Variants in NEDD4L observed in about 807,000 individuals in gnomAD.
NEDD4L encodes the protein NEDD4 like E3 ubiquitin protein ligase.
In NEDD4L, 54 loss-of-function variants were observed where a neutral mutation model predicts 148.9. The ratio of observed to expected loss-of-function variants is 0.36; its 90% CI spans 0.29 to 0.45. The LOEUF (loss-of-function observed/expected upper bound fraction) is 0.45. Ranked by LOEUF, NEDD4L falls within the 20% of genes least tolerant of loss-of-function variation. The pLI is 1.00. For missense variants in NEDD4L, 856 were observed against 1,233.8 expected (o/e 0.69, Z 4.59); for synonymous variants, 433 against 440.7 (o/e 0.98, Z 0.22).
At position 58,061,179 on chromosome 18, in the gene NEDD4L, C is replaced by T. The variant is rs372027578; in HGVS notation, c.48+16471C>T. 1.2e-4 allele frequency among the ~76,000 whole-genome samples: 19 copies of T among 152,166 alleles called. 2 individuals are homozygous for T. Among genetic ancestry groups the T allele is most frequent in the East Asian group, 3.9e-4 (2 of 5,192 alleles). On this transcript the variant is annotated intron_variant, in intron 1 of 30. Coordinates refer to ENST00000400345, the MANE Select transcript of NEDD4L (RefSeq NM_001144967.3). ...AGTACAGCTCCCACAACGATCATCTCGCCCCAAATGCTGCCGAGGTTGAGA... is the reference window on the plus strand; with the variant it reads ...AGTACAGCTCCCACAACGATCATCTTGCCCCAAATGCTGCCGAGGTTGAGA...
chr18:58,146,305 T>C (rs2034091872), intron 1 of NEDD4L, among the ~76,000 whole-genome samples: 1 of 152,142 alleles, frequency 6.6e-6, no homozygotes, highest in Non-Finnish European at 1.5e-5. Context: ...CCAGCATGGC[T>C]CTGGGTGTGA....
chr18:58,189,267 G>A (rs2039823532), intron 2 of NEDD4L, among the ~76,000 whole-genome samples: 1 of 152,130 alleles, frequency 6.6e-6, no homozygotes, highest in African/African-American at 2.4e-5. Context: ...AGCCCCAGCT[G>A]GTGCATTCCC....
chr18:58,384,927 GT>G (rs948155374), intron 25 of NEDD4L, among the ~76,000 whole-genome samples: 3 of 152,206 alleles, frequency 2.0e-5, no homozygotes, highest in African/African-American at 7.2e-5. Flanking sequence ...AGGGAACTTG[GT>G]TTTGGTGAAC....
intron 1 of NEDD4L, among the ~76,000 whole-genome samples, chr18:58,151,632 T>G (rs975442600): frequency 6.6e-6 from 1 of 151,212 alleles, no homozygotes; most frequent in Non-Finnish European, 1.5e-5. Context: ...GATATGTGTG[T>G]GTGTGTGTGT....
intron 2 of NEDD4L, among the ~76,000 whole-genome samples, chr18:58,172,410 G>A (rs946063248): frequency 2.0e-5 from 3 of 152,178 alleles, no homozygotes; most frequent in Admixed American, 6.5e-5. Context: ...TTCTTAACAC[G>A]GGGGTAAGGA....
At chr18:58,372,334 T>C (rs1363486728) in intron 23 of NEDD4L, 1 of 151,784 alleles carries the variant, frequency 6.6e-6, no homozygotes, top group Non-Finnish European at 1.5e-5. Flanking sequence ...TAGGCTGGTC[T>C]TGAACAGCCT....
Position 58,256,726 on chromosome 18 carries a change from C to T in NEDD4L, c.297+4672C>T. On this transcript the variant is annotated intron_variant, in intron 5 of 30. Transcript: ENST00000400345. The surrounding 1 kb of genome is among the most constrained non-coding windows in gnomAD (Gnocchi z 5.2). ...GGCCGGAAGAAGCTCCCCAGAATCC[C>T]GAGGAGAAAAGCGCCAAAAGCCCTG... 2 of 1,232,132 alleles carry T rather than the reference C, an allele frequency of 1.6e-6. No individual in the cohort carries two copies. Among genetic ancestry groups the T allele is most frequent in the Non-Finnish European group, 2.0e-6 (2 of 988,046 alleles). The allele number at this position is 1,232,132 out of a possible 1,614,324, so 76.3% of individuals were successfully genotyped here.
chr18:58,367,957 A>G, intron 22 of NEDD4L, 90 bp downstream of exon 22: 2 of 1,356,494 alleles, frequency 1.5e-6, no homozygotes, highest in Non-Finnish European at 2.1e-6. Context: ...TTTAAGCAAA[A>G]GCTTCACTGG....
At chr18:58,381,716 G>C (rs768606933) in intron 24 of NEDD4L, among the ~76,000 whole-genome samples, 2 of 152,284 alleles carry the variant, frequency 1.3e-5, no homozygotes, top group South Asian at 2.1e-4. Context: ...GGGAAAAGAA[G>C]AAAAGCCAAC....
At chr18:58,307,084 T>G (rs1422737105) in intron 5 of NEDD4L, among the ~76,000 whole-genome samples, 5 of 152,172 alleles carry the variant, frequency 3.3e-5, no homozygotes, top group Non-Finnish European at 7.4e-5. Context: ...GGCAGAGATG[T>G]GATTTCAGCC....
At chr18:58,362,878 C>T (rs1387621145) in intron 19 of NEDD4L, among the ~76,000 whole-genome samples, 8 of 152,138 alleles carry the variant, frequency 5.3e-5, no homozygotes, top group Non-Finnish European at 1.2e-4. Context: ...TATTCTTTTT[C>T]TTATTTTGGT....
At chr18:58,129,945 G>A (rs1346436431) in intron 1 of NEDD4L, among the ~76,000 whole-genome samples, 1 of 151,058 alleles carries the variant, frequency 6.6e-6, no homozygotes, top group Non-Finnish European at 1.5e-5. Context: ...GCGGTGTTGG[G>A]CTCTGTTGGG....
intron 19 of NEDD4L, among the ~76,000 whole-genome samples, chr18:58,359,013 G>A (rs1372972689): frequency 6.6e-6 from 1 of 152,086 alleles, no homozygotes; most frequent in East Asian, 1.9e-4. Context: ...TTTTTAAAAA[G>A]AATGTGTATT....
chr18:58,149,268 C>A, intron 1 of NEDD4L: 1 of 617,710 alleles, frequency 1.6e-6, no homozygotes, highest in Non-Finnish European at 2.3e-6. Flanking sequence ...AGAGGCTGGA[C>A]CTTGGTGTCC....
intron 1 of NEDD4L, among the ~76,000 whole-genome samples, chr18:58,115,703 T>C (rs1302974186): frequency 6.6e-6 from 1 of 152,186 alleles, no homozygotes; most frequent in Non-Finnish European, 1.5e-5. Flanking sequence ...GCATCCTCTC[T>C]TGTGTTGCGT....
intron 9 of NEDD4L, among the ~76,000 whole-genome samples, chr18:58,325,954 G>A (rs1209935065): frequency 1.3e-5 from 2 of 152,138 alleles, no homozygotes; most frequent in Non-Finnish European, 2.9e-5. Context: ...GAGCTGCCTA[G>A]CAGCCAAGAC....
chr18:58,267,200 G>A (rs34978113), intron 5 of NEDD4L, among the ~76,000 whole-genome samples: 34,291 of 151,934 alleles, frequency 0.23, 4,542 homozygotes, highest in African/African-American at 0.33. Context: ...AGTTAACATA[G>A]TTACTTTTAA....
chr18:58,212,320 A>G (rs989283914), intron 2 of NEDD4L, among the ~76,000 whole-genome samples: 12 of 152,044 alleles, frequency 7.9e-5, no homozygotes, highest in African/African-American at 2.9e-4. Context: ...CATACCTGAG[A>G]CGGGGCAATT....
At chr18:58,101,243 A>G (rs1210667178) in intron 1 of NEDD4L, among the ~76,000 whole-genome samples, 1 of 152,220 alleles carries the variant, frequency 6.6e-6, no homozygotes, top group African/African-American at 2.4e-5. Context: ...AAGGAAAACT[A>G]CTAAGTAGAA....
Sources: allele counts gnomAD v4.1 joint callset (sites outside exome capture counted in the v4.1 genomes callset), GRCh38; gene constraint gnomAD v4.1.1; non-coding constraint Gnocchi (gnomAD v3.1); transcripts MANE v1.5; gene names NCBI Gene and HGNC (gene_info 2026-07-23, HGNC 2026-07-21).